The following TTLL11 variants were observed in gnomAD, a reference collection of about 807,000 sequenced individuals.
TTLL11 encodes the protein tubulin polyglutamylase TTLL11.
A neutral mutation model predicts 51.7 loss-of-function variants in TTLL11; 42 were observed. The observed-to-expected ratio is 0.81, with a 90% CI of 0.64 to 1.05. The LOEUF is 1.05. Among genes scored for constraint, TTLL11 ranks in the 50% least tolerant of loss-of-function variants. The pLI is 0.00. For missense variants in TTLL11, 799 were observed against 940.4 expected, an observed-to-expected ratio of 0.85 and a Z score of 1.97; for synonymous variants, 381 against 383.5, an observed-to-expected ratio of 0.99 and a Z score of 0.08.
chr9:121,942,709 C>T (rs1841523070), intron 6 of TTLL11, among the ~76,000 whole-genome samples: 1 of 151,508 alleles, frequency 6.6e-6, no homozygotes, highest in African/African-American at 2.4e-5. Flanking sequence ...CCTGCTACTC[C>T]CTCCCTCCTC....
At chr9:122,013,430 T>C (rs538740308) in intron 3 of TTLL11, among the ~76,000 whole-genome samples, 1 of 152,240 alleles carries the variant, frequency 6.6e-6, no homozygotes, top group East Asian at 1.9e-4. Context: ...CAAGGATACG[T>C]AGCAAAGGTT....
In TTLL11 at chr9:121,904,262, C is replaced by T. The variant is rs191422251; in HGVS notation, c.1482-33514G>A. ...CACGATCTTGGCTCACTGCAACCTC[C>T]GCCTCCCGGGTTCAAGCCATTCTCC... is the stretch of plus-strand genomic sequence containing the variant. On this transcript the variant is annotated intron_variant, in intron 6 of 8. Coordinates refer to ENST00000321582, the MANE Select transcript of TTLL11 (RefSeq NM_001139442.2). 3.0e-3 allele frequency among the ~76,000 whole-genome samples: 452 copies of T among 152,108 alleles called. 1 individual carries two copies. Among genetic ancestry groups the T allele is most frequent in the Admixed American group, 7.7e-3 (117 of 15,294 alleles).
At chr9:122,083,978 T>C (rs948661676) in intron 1 of TTLL11, among the ~76,000 whole-genome samples, 1 of 152,202 alleles carries the variant, frequency 6.6e-6, no homozygotes, top group African/African-American at 2.4e-5. Flanking sequence ...TATAAGCATA[T>C]ATTATTTCTG....
chr9:121,924,577 T>C (rs983562999), intron 6 of TTLL11, among the ~76,000 whole-genome samples: 4 of 151,188 alleles, frequency 2.6e-5, no homozygotes, highest in African/African-American at 9.8e-5. Context: ...CAGATGAGAG[T>C]TCTGGAGAAA....
chr9:121,874,195 G>A (rs1000699161), intron 6 of TTLL11, among the ~76,000 whole-genome samples: 1 of 151,974 alleles, frequency 6.6e-6, no homozygotes, highest in African/African-American at 2.4e-5. Context: ...TAGAGATAAG[G>A]TCTCGCTACA....
chr9:121,830,770 G>C (rs962256380), intron 8 of TTLL11, among the ~76,000 whole-genome samples: 1 of 152,182 alleles, frequency 6.6e-6, no homozygotes, highest in Admixed American at 6.5e-5. Flanking sequence ...TGATAGAGGA[G>C]ACCTGGAAGG....
At chr9:122,014,518 T>A (rs560209298) in intron 3 of TTLL11, among the ~76,000 whole-genome samples, 9 of 152,326 alleles carry the variant, frequency 5.9e-5, no homozygotes, top group African/African-American at 2.2e-4. Flanking sequence ...GTTTCCATAG[T>A]GCCTGTGTTT....
At chr9:121,933,252 C>G (rs1257508655) in intron 6 of TTLL11, among the ~76,000 whole-genome samples, 1 of 151,988 alleles carries the variant, frequency 6.6e-6, no homozygotes, top group East Asian at 1.9e-4. Flanking sequence ...GAGTGGGTAC[C>G]ATAGATGCCG....
chr9:122,035,552 G>A (rs1229781714), intron 2 of TTLL11, among the ~76,000 whole-genome samples: 1 of 152,210 alleles, frequency 6.6e-6, no homozygotes. Flanking sequence ...TATACTTGGA[G>A]CACTATTCAA....
chr9:122,063,194 A>G (rs763035340), intron 1 of TTLL11, among the ~76,000 whole-genome samples: 39 of 152,218 alleles, frequency 2.6e-4, no homozygotes, highest in Non-Finnish European at 5.4e-4. Flanking sequence ...GCCATTTTAC[A>G]TACTTTTGGG....
chr9:122,070,259 A>G (rs901210235), intron 1 of TTLL11, among the ~76,000 whole-genome samples: 20 of 152,150 alleles, frequency 1.3e-4, no homozygotes, highest in Admixed American at 5.2e-4. Flanking sequence ...GCAGGGAGTC[A>G]GGGTAACAAA....
At chr9:121,977,325 C>T (rs1314212771) in intron 4 of TTLL11, among the ~76,000 whole-genome samples, 1 of 152,170 alleles carries the variant, frequency 6.6e-6, no homozygotes, top group Non-Finnish European at 1.5e-5. Context: ...CACTCTGAGC[C>T]TCAATGATCT....
chr9:121,911,596 C>T (rs1359999425), intron 6 of TTLL11, among the ~76,000 whole-genome samples: 1 of 152,016 alleles, frequency 6.6e-6, no homozygotes, highest in African/African-American at 2.4e-5. Context: ...CCATGGAATA[C>T]TATGAAGCCA....
chr9:121,941,384 A>C (rs745363356), intron 6 of TTLL11, among the ~76,000 whole-genome samples: 51 of 152,308 alleles, frequency 3.3e-4, no homozygotes, highest in Non-Finnish European at 6.2e-4. Context: ...GCTGATGGCT[A>C]TGAAATCAGT....
intron 8 of TTLL11, among the ~76,000 whole-genome samples, chr9:121,846,129 C>G (rs1837510365): frequency 6.6e-6 from 1 of 152,062 alleles, no homozygotes; most frequent in South Asian, 2.1e-4. Flanking sequence ...AAGAAAGTTA[C>G]AGTAGCTATA....
chr9:121,996,954 C>T lies in TTLL11; in HGVS notation c.694-7184G>A, dbSNP rs561778992. On this transcript the variant is annotated intron_variant, in intron 3 of 8. Transcript: ENST00000321582. ...GCGGAAGTAAAGCGTCAGTTCTGGGCCACGCTGCCCTTTCTTTGAAGATGT... is the reference window on the plus strand; with the variant it reads ...GCGGAAGTAAAGCGTCAGTTCTGGGTCACGCTGCCCTTTCTTTGAAGATGT... 2.0e-5 allele frequency among the ~76,000 whole-genome samples: 3 copies of T among 152,314 alleles called. No homozygotes were observed. The South Asian group carries it at 6.2e-4, about 32-fold the overall frequency.
intron 1 of TTLL11, among the ~76,000 whole-genome samples, chr9:122,085,531 A>G (rs941529641): frequency 3.3e-5 from 5 of 152,184 alleles, no homozygotes; most frequent in African/African-American, 1.2e-4. Flanking sequence ...GGCACAAAGT[A>G]GATCTCAAAA....
chr9:122,036,820 AC>A (rs964344414), intron 2 of TTLL11, among the ~76,000 whole-genome samples: 1 of 152,158 alleles, frequency 6.6e-6, no homozygotes, highest in Non-Finnish European at 1.5e-5. Flanking sequence ...TTCTGGAATT[AC>A]CCCTCTGCTG....
intron 8 of TTLL11, among the ~76,000 whole-genome samples, chr9:121,823,744 C>G (rs976945358): frequency 3.3e-5 from 5 of 152,132 alleles, no homozygotes; most frequent in African/African-American, 1.2e-4. Context: ...ATTTTACCCC[C>G]CAAAGTAAAA....
Sources: allele counts gnomAD v4.1 joint callset (sites outside exome capture counted in the v4.1 genomes callset), GRCh38; gene constraint gnomAD v4.1.1; transcripts MANE v1.5; gene names NCBI Gene and HGNC (gene_info 2026-07-23, HGNC 2026-07-21).